Variants in SCEL observed in about 807,000 individuals in gnomAD.
SCEL encodes the protein sciellin.
Under a neutral mutation model 117.6 loss-of-function variants are expected in SCEL, and 113 were observed. The observed-to-expected ratio is 0.96, with a 90% CI of 0.83 to 1.12. The LOEUF is 1.12. SCEL is among the 50% of genes most tolerant of loss of function. The pLI, the probability that SCEL is intolerant of heterozygous loss-of-function variation, is 0.00. For synonymous variants in SCEL, 270 were observed against 256.2 expected (o/e 1.05, Z -0.51); for missense variants, 785 against 810.8 (o/e 0.97, Z 0.39).
At position 77,637,157 on chromosome 13, in the gene SCEL, G is replaced by A; in HGVS notation, c.1801G>A (p.Gly601Arg). 1.3e-6 allele frequency: 2 copies of A among 1,554,312 alleles called. No homozygotes were observed. Among genetic ancestry groups the A allele is most frequent in the Non-Finnish European group, 1.7e-6 (2 of 1,152,428 alleles). Reference sequence around the variant, plus strand: ...GGATGGATATCAGGAGAATATCTCTGGAAAATACATACAAACTGTTTATTC... The same window carrying A: ...GGATGGATATCAGGAGAATATCTCTAGAAAATACATACAAACTGTTTATTC... ...PKDGYQENIS[G>R]KYIQTVYSTS... Residue 601 changes from glycine to arginine, a missense_variant, in exon 30 of 33, where the codon GGA becomes AGA. Coordinates refer to ENST00000349847, the MANE Select transcript of SCEL (RefSeq NM_144777.3).
chr13:77,550,412 AT>A (rs1567337708), intron 1 of SCEL, among the ~76,000 whole-genome samples: 5 of 130,770 alleles, frequency 3.8e-5, no homozygotes, highest in East Asian at 2.2e-4. Flanking sequence ...ATATATATAT[AT>A]TATATATATA....
chr13:77,589,253 A>G, intron 10 of SCEL, 29 bp downstream of exon 10: 1 of 1,529,900 alleles, frequency 6.5e-7, no homozygotes, highest in Non-Finnish European at 9.0e-7. Flanking sequence ...GAATTTCTTG[A>G]CAAAATGAAG....
intron 28 of SCEL, among the ~76,000 whole-genome samples, chr13:77,629,089 G>A (rs1161298281): frequency 6.6e-6 from 1 of 152,168 alleles, no homozygotes; most frequent in African/African-American, 2.4e-5. Context: ...GATTTGAGAA[G>A]CATTCCAGTT....
chr13:77,579,273 T>C (rs372257371), intron 9 of SCEL, among the ~76,000 whole-genome samples: 131 of 152,364 alleles, frequency 8.6e-4, no homozygotes, highest in Middle Eastern at 3.4e-3. Flanking sequence ...CACTTATTAT[T>C]GCAGTGTACT....
intron 15 of SCEL, 73 bp from the exon 16 acceptor site, chr13:77,601,992 G>A: frequency 8.6e-7 from 1 of 1,166,126 alleles, no homozygotes; most frequent in Non-Finnish European, 1.2e-6. Context: ...GTCATTACGA[G>A]AGTCTGAATA....
intron 23 of SCEL, 39 bp from the exon 24 acceptor site, chr13:77,613,854 C>T: frequency 6.6e-7 from 1 of 1,514,526 alleles, no homozygotes. Flanking sequence ...AAAGAAATGC[C>T]AGTATGAAAT....
At chr13:77,626,709 A>G (rs975471106) in intron 27 of SCEL, among the ~76,000 whole-genome samples, 1 of 152,168 alleles carries the variant, frequency 6.6e-6, no homozygotes, top group Non-Finnish European at 1.5e-5. Context: ...CATGATTGTA[A>G]GTTTCCTGGA....
At chr13:77,642,905 A>G (rs2090626999) in intron 32 of SCEL, 97 bp downstream of exon 32, 2 of 606,880 alleles carry the variant, frequency 3.3e-6, no homozygotes, top group South Asian at 2.9e-5. Flanking sequence ...AAAACATTTT[A>G]CTAGTTATAT....
At chr13:77,605,561 A>G (rs1312826763) in intron 19 of SCEL, among the ~76,000 whole-genome samples, 2 of 152,322 alleles carry the variant, frequency 1.3e-5, no homozygotes, top group Admixed American at 6.5e-5. Flanking sequence ...GAGGGATCAT[A>G]AGATTCTCAT....
chr13:77,606,296 T>C (rs1012348666), intron 19 of SCEL, among the ~76,000 whole-genome samples: 3 of 152,200 alleles, frequency 2.0e-5, no homozygotes, highest in African/African-American at 4.8e-5. Context: ...CATATGTACA[T>C]GGATGTGTAT....
intron 3 of SCEL, among the ~76,000 whole-genome samples, chr13:77,557,734 G>A (rs1483239016): frequency 6.6e-6 from 1 of 152,156 alleles, no homozygotes; most frequent in African/African-American, 2.4e-5. Context: ...TATTTAATGC[G>A]TAGAGAACAG....
intron 11 of SCEL, 80 bp from the exon 12 acceptor site, chr13:77,593,434 T>C: frequency 9.5e-7 from 1 of 1,054,802 alleles, no homozygotes. Flanking sequence ...CTTTATTTAC[T>C]GAAAACAAAT....
chr13:77,568,537 C>T (rs1246182784), intron 7 of SCEL, among the ~76,000 whole-genome samples: 2 of 151,990 alleles, frequency 1.3e-5, no homozygotes, highest in Non-Finnish European at 2.9e-5. Flanking sequence ...GATTGCCAAT[C>T]ATTACTCTAT....
rs987208516 is a variant in SCEL, at chr13:77,555,814, A to G, written c.-19-43A>G. 9 of 1,279,970 alleles carry G rather than the reference A, an allele frequency of 7.0e-6. No homozygotes were observed. In the South Asian group the frequency reaches 9.6e-5, roughly 14 times the overall value. The allele number at this position is 1,279,970 out of a possible 1,614,324, so 79.3% of individuals were successfully genotyped here. A position where few individuals can be genotyped will look rare whatever the true frequency, so the allele number is the denominator to read the frequency against. On this transcript the variant is annotated intron_variant, in intron 1 of 32. Coordinates refer to ENST00000349847, the MANE Select transcript of SCEL (RefSeq NM_144777.3). ...ATGAAACAGTCACTTACAGGTTCTC[A>G]GAGTCATTGATGTGCTTTCTCTATT...
At chr13:77,593,295 T>TGTGTGCGTGCGCGC (rs796907419) in intron 11 of SCEL, among the ~76,000 whole-genome samples, 1 of 136,784 alleles carries the variant, frequency 7.3e-6, no homozygotes, top group Non-Finnish European at 1.6e-5. Context: ...TGTGTGTGTG[T>TGTGTGCGTGCGCGC]GTCTGTGTGT....
In SCEL at chr13:77,637,118, A is replaced by G. The variant is rs1386177116; in HGVS notation, c.1764-2A>G. 1 of 1,511,152 alleles carries G rather than the reference A, an allele frequency of 6.6e-7. No individual in the cohort carries two copies. Among genetic ancestry groups the G allele is most frequent in the Non-Finnish European group, 9.0e-7 (1 of 1,110,280 alleles). 93.6% of individuals were successfully genotyped at this position (1,511,152 alleles called of 1,614,324 possible). A position where few individuals can be genotyped will look rare whatever the true frequency, so the allele number is the denominator to read the frequency against. ...TCACATGTCCATATATTTTGTTCCT[A>G]GTAAATCACCCAAGGATGGATATCA... On this transcript the variant is annotated splice_acceptor_variant, in intron 29 of 32. Transcript: ENST00000349847. LOFTEE classifies it high-confidence loss of function.
Position 77,634,436 on chromosome 13 carries a change from A to AT in SCEL, c.1750dup (p.Tyr584LeufsTer5). 7.4e-6 allele frequency: 12 copies of AT among 1,611,944 alleles called. No homozygotes were observed. Among genetic ancestry groups the AT allele is most frequent in the Non-Finnish European group, 9.3e-6 (11 of 1,178,290 alleles). On this transcript the variant is annotated frameshift_variant, in exon 29 of 33. Transcript: ENST00000349847. LOFTEE classifies it high-confidence loss of function. ...AGGATACTGTTGTGTACACAAGGAC[A>AT]TATGTGGAGAATAGGTATTCAAAAT...
intron 9 of SCEL, among the ~76,000 whole-genome samples, chr13:77,574,405 G>A (rs567494614): frequency 6.6e-6 from 1 of 152,314 alleles, no homozygotes; most frequent in African/African-American, 2.4e-5. Flanking sequence ...ATTAGGCTAG[G>A]TTGATCAGTT....
intron 9 of SCEL, among the ~76,000 whole-genome samples, chr13:77,572,469 T>A (rs2085695220): frequency 6.6e-6 from 1 of 152,218 alleles, no homozygotes; most frequent in Non-Finnish European, 1.5e-5. Flanking sequence ...TGCCACAGAC[T>A]GCCACGAAGT....
Sources: gnomAD v4.1 joint callset for allele counts (sites outside exome capture counted in the v4.1 genomes callset) on GRCh38, gnomAD v4.1.1 for gene constraint, MANE v1.5 for transcripts, NCBI Gene and HGNC (gene_info 2026-07-23, HGNC 2026-07-21) for gene names.